CCSER1: variants seen among roughly 807,000 people sequenced by gnomAD.
The protein encoded by CCSER1 is serine-rich coiled-coil domain-containing protein 1.
CCSER1 carries 41 observed loss-of-function variants against 82.0 expected under a neutral mutation model. That is an observed-to-expected ratio of 0.50 (90% CI 0.39 to 0.65). The LOEUF is 0.65. Ranked by LOEUF, CCSER1 falls within the 30% of genes least tolerant of loss-of-function variation. CCSER1 has a pLI of 0.00. For synonymous variants in CCSER1, 414 were observed against 383.9 expected (o/e 1.08, Z -0.92); for missense variants, 1,119 against 1,064.2 (o/e 1.05, Z -0.72).
intron 4 of CCSER1, among the ~76,000 whole-genome samples, chr4:90,465,539 T>C (rs1763513071): frequency 6.6e-6 from 1 of 152,154 alleles, no homozygotes; most frequent in Non-Finnish European, 1.5e-5. Context: ...TTTATTTCTT[T>C]TCTCTACTTT....
intron 10 of CCSER1, among the ~76,000 whole-genome samples, chr4:91,558,422 T>A (rs187276984): frequency 5.9e-5 from 9 of 151,422 alleles, no homozygotes; most frequent in Non-Finnish European, 5.9e-5. Context: ...ACAATGTGAG[T>A]TTTTTTTGTT....
At chr4:91,051,468 A>C (rs1743001194) in intron 9 of CCSER1, among the ~76,000 whole-genome samples, 1 of 152,162 alleles carries the variant, frequency 6.6e-6, no homozygotes, top group South Asian at 2.1e-4. Context: ...ACCATTGTAA[A>C]TATCTACTAA....
At chr4:90,729,284 A>G (rs1460109097) in intron 7 of CCSER1, among the ~76,000 whole-genome samples, 1 of 152,240 alleles carries the variant, frequency 6.6e-6, no homozygotes, top group Non-Finnish European at 1.5e-5. Flanking sequence ...AAATTTTGCC[A>G]CTGAACTCCT....
At chr4:91,380,119 T>G (rs1307783425) in intron 10 of CCSER1, among the ~76,000 whole-genome samples, 1 of 152,166 alleles carries the variant, frequency 6.6e-6, no homozygotes, top group Non-Finnish European at 1.5e-5. Flanking sequence ...AGACAGTTTG[T>G]TATAATTTCT....
chr4:90,224,656 G>T (rs558425428), intron 1 of CCSER1, among the ~76,000 whole-genome samples: 1 of 152,112 alleles, frequency 6.6e-6, no homozygotes, highest in South Asian at 2.1e-4. Flanking sequence ...AGATACATTC[G>T]ATGGAAGAAG....
At chr4:90,756,833 G>A (rs529258353) in intron 7 of CCSER1, among the ~76,000 whole-genome samples, 125 of 152,212 alleles carry the variant, frequency 8.2e-4, no homozygotes, top group African/African-American at 2.8e-3. Context: ...ATTGAACAAA[G>A]TATTTCTTAA....
At chr4:90,328,636 G>A (rs1738656464) in intron 3 of CCSER1, among the ~76,000 whole-genome samples, 1 of 152,198 alleles carries the variant, frequency 6.6e-6, no homozygotes, top group Non-Finnish European at 1.5e-5. Flanking sequence ...CATTGTGCAA[G>A]CAGCATGTAT....
chr4:90,918,364 T>G (rs893673222), intron 8 of CCSER1: 2 of 418,238 alleles, frequency 4.8e-6, no homozygotes, highest in African/African-American at 4.2e-5. Flanking sequence ...ATTGGACTGA[T>G]TTTTTGGGAT....
chr4:90,139,332 A>C (rs1348129933), intron 1 of CCSER1, among the ~76,000 whole-genome samples: 1 of 152,182 alleles, frequency 6.6e-6, no homozygotes, highest in South Asian at 2.1e-4. Flanking sequence ...TTTAGGTTCC[A>C]TGGTTTCTAT....
At chr4:90,868,210 T>C (rs565353837) in intron 8 of CCSER1, among the ~76,000 whole-genome samples, 28 of 152,178 alleles carry the variant, frequency 1.8e-4, no homozygotes, top group African/African-American at 6.5e-4. Context: ...CCGGTTATAC[T>C]CTTTAAGTTA....
intron 10 of CCSER1, among the ~76,000 whole-genome samples, chr4:91,179,560 G>A (rs115853255): frequency 1.4e-3 from 219 of 152,114 alleles, no homozygotes; most frequent in African/African-American, 5.0e-3. Flanking sequence ...TTTGGTCTTC[G>A]TTCATTGATA....
intron 4 of CCSER1, among the ~76,000 whole-genome samples, chr4:90,402,402 T>C (rs886850995): frequency 6.6e-6 from 1 of 152,220 alleles, no homozygotes; most frequent in Non-Finnish European, 1.5e-5. Flanking sequence ...TTGTTTTGTT[T>C]AGTTTTTTTC....
intron 5 of CCSER1, among the ~76,000 whole-genome samples, chr4:90,512,800 G>T (rs966550585): frequency 6.6e-6 from 1 of 151,986 alleles, no homozygotes; most frequent in Non-Finnish European, 1.5e-5. Context: ...ATTGCAATAA[G>T]TCATTATAGT....
chr4:90,523,924 C>T (rs1229755945), intron 5 of CCSER1, among the ~76,000 whole-genome samples: 1 of 152,052 alleles, frequency 6.6e-6, no homozygotes, highest in Non-Finnish European at 1.5e-5. Context: ...ATTTGAATAG[C>T]ATATCCTGTG....
At chr4:90,879,515 AGAG>A (rs879308042) in intron 8 of CCSER1, among the ~76,000 whole-genome samples, 1,648 of 138,420 alleles carry the variant, frequency 0.012, 9 homozygotes, top group Middle Eastern at 0.053. Flanking sequence ...AAGAAGAAGA[AGAG>A]GAAGAGGAAG....
chr4:91,218,672 T>G (rs1386140738), intron 10 of CCSER1, among the ~76,000 whole-genome samples: 1 of 152,210 alleles, frequency 6.6e-6, no homozygotes, highest in Non-Finnish European at 1.5e-5. Context: ...CTTAGCACTT[T>G]CCCCTTTGTT....
intron 7 of CCSER1, among the ~76,000 whole-genome samples, chr4:90,729,273 GA>G (rs899841749): frequency 6.6e-6 from 1 of 152,152 alleles, no homozygotes; most frequent in Non-Finnish European, 1.5e-5. Flanking sequence ...CTGTAGGGCA[GA>G]AATTTTGCCA....
chr4:90,647,353 T>G (rs984826325), intron 6 of CCSER1, among the ~76,000 whole-genome samples: 2 of 152,164 alleles, frequency 1.3e-5, no homozygotes, highest in African/African-American at 4.8e-5. Context: ...GTTGTTGTTG[T>G]TTCTCAGGTA....
chr4:90,232,113 A>C (rs1386388409), intron 1 of CCSER1, among the ~76,000 whole-genome samples: 4 of 152,204 alleles, frequency 2.6e-5, no homozygotes, highest in Admixed American at 2.0e-4. Flanking sequence ...ACAGAATTGG[A>C]AAAAACTACT....
Sources: gnomAD v4.1 joint callset for allele counts (sites outside exome capture counted in the v4.1 genomes callset) on GRCh38, gnomAD v4.1.1 for gene constraint, MANE v1.5 for transcripts, NCBI Gene and HGNC (gene_info 2026-07-23, HGNC 2026-07-21) for gene names.